SOS2: variants seen among roughly 807,000 people sequenced by gnomAD.
The protein encoded by SOS2 is SOS Ras/Rho guanine nucleotide exchange factor 2.
A neutral mutation model predicts 148.2 loss-of-function variants in SOS2; 65 were observed. The ratio of observed to expected loss-of-function variants is 0.44; its 90% CI spans 0.36 to 0.54. The LOEUF (loss-of-function observed/expected upper bound fraction) is 0.54, where lower values mean the gene tolerates loss of function less well. SOS2 is among the 20% of genes least tolerant of loss of function. SOS2 has a pLI of 0.00. For synonymous variants in SOS2, 539 were observed against 537.1 expected (o/e 1.00, Z -0.05); for missense variants, 1,341 against 1,590.2 (o/e 0.84, Z 2.67).
chr14:50,124,364 T>G (rs976548815), intron 21 of SOS2, among the ~76,000 whole-genome samples: 1 of 152,192 alleles, frequency 6.6e-6, no homozygotes, highest in Non-Finnish European at 1.5e-5. Flanking sequence ...TCTTCATGCA[T>G]GTAACTTTTT....
At chr14:50,214,520 A>C (rs1886982483) in intron 1 of SOS2, among the ~76,000 whole-genome samples, 1 of 152,112 alleles carries the variant, frequency 6.6e-6, no homozygotes. Context: ...ATTTTTAAAA[A>C]AGTAGACATT....
intron 7 of SOS2, among the ~76,000 whole-genome samples, chr14:50,180,350 G>C (rs1566840411): frequency 6.9e-6 from 1 of 145,016 alleles, no homozygotes; most frequent in Non-Finnish European, 1.5e-5. Context: ...AATTCTTCTG[G>C]TCATTCAGTA....
chr14:50,134,724 T>C (rs1323800447), intron 18 of SOS2, among the ~76,000 whole-genome samples: 1 of 152,190 alleles, frequency 6.6e-6, no homozygotes, highest in Non-Finnish European at 1.5e-5. Flanking sequence ...ATAATTACTC[T>C]GGAAATTCCT....
chr14:50,184,121 C>T (rs962897830), intron 5 of SOS2, among the ~76,000 whole-genome samples: 1 of 152,100 alleles, frequency 6.6e-6, no homozygotes, highest in African/African-American at 2.4e-5. Flanking sequence ...GGATTACTGT[C>T]ATATATATGG....
intron 5 of SOS2, among the ~76,000 whole-genome samples, chr14:50,185,857 T>G (rs1403436774): frequency 2.0e-5 from 3 of 152,166 alleles, no homozygotes; most frequent in Non-Finnish European, 4.4e-5. Context: ...TGTAATAACC[T>G]AATATCCTTA....
At chr14:50,138,352 G>T (rs1186411968) in intron 18 of SOS2, among the ~76,000 whole-genome samples, 2 of 151,720 alleles carry the variant, frequency 1.3e-5, no homozygotes, top group Non-Finnish European at 2.9e-5. Flanking sequence ...GTAGAGACGG[G>T]GTTTCGCCAT....
chr14:50,189,346 A>AAAAAAAAAAAAAAAC, intron 4 of SOS2, among the ~76,000 whole-genome samples: 2 of 147,984 alleles, frequency 1.4e-5, no homozygotes, highest in East Asian at 3.9e-4. Context: ...AAAAAAAAAA[A>AAAAAAAAAAAAAAAC]AAGCAAGCCT....
intron 8 of SOS2, among the ~76,000 whole-genome samples, chr14:50,164,502 A>ATG (rs1885112427): frequency 6.6e-6 from 1 of 151,914 alleles, no homozygotes; most frequent in South Asian, 2.1e-4. Context: ...GTGGTGGTGC[A>ATG]TGCCTGTAAT....
chr14:50,204,277 T>G lies in SOS2; in HGVS notation c.213+7A>C, dbSNP rs1886593848. 9 of 1,554,072 alleles carry G rather than the reference T, an allele frequency of 5.8e-6. No individual in the cohort carries two copies. Among genetic ancestry groups the G allele is most frequent in the Non-Finnish European group, 7.8e-6 (9 of 1,153,310 alleles). ...GTGACTTTTTGAAATGACAAAATAA[T>G]TTTTACCTCTACATCTTGAACAGTC... On this transcript the variant is annotated splice_region_variant and intron_variant, in intron 2 of 22. Coordinates refer to ENST00000216373, the MANE Select transcript of SOS2 (RefSeq NM_006939.4).
intron 1 of SOS2, among the ~76,000 whole-genome samples, chr14:50,213,672 C>G (rs1385429981): frequency 6.6e-6 from 1 of 150,574 alleles, no homozygotes; most frequent in Non-Finnish European, 1.5e-5. Flanking sequence ...CCCTGTCCCC[C>G]CCACCCCAAA....
chr14:50,130,051 A>AGGAGGG, intron 20 of SOS2, 49 bp from the exon 21 acceptor site: 1 of 1,160,532 alleles, frequency 8.6e-7, no homozygotes, highest in Non-Finnish European at 1.3e-6. Flanking sequence ...ACATGTAGGT[A>AGGAGGG]TTATTTTTTA....
At chr14:50,155,833 G>C (rs181851755) in intron 12 of SOS2, 80 of 151,804 alleles carry the variant, frequency 5.3e-4, no homozygotes, top group African/African-American at 1.9e-3. Flanking sequence ...CCTCATAAAT[G>C]TATGTGTCAT....
At chr14:50,194,715 T>C in intron 4 of SOS2, among the ~76,000 whole-genome samples, 1 of 149,514 alleles carries the variant, frequency 6.7e-6, no homozygotes, top group Admixed American at 6.7e-5. Flanking sequence ...GAGGCAGAGG[T>C]TGCAGTGAGC....
Position 50,157,095 on chromosome 14 carries a change from G to A in SOS2, c.1961C>T (p.Thr654Ile), listed in dbSNP as rs753546556. Residue 654 changes from threonine (T) to isoleucine (I), a missense_variant, in exon 12 of 23, where the codon ACT becomes ATT. This residue lies in a region of SOS2 where 408 missense variants were observed against 506.6 expected (regional missense o/e 0.81). Transcript: ENST00000216373. The part of the protein sequence containing the change: ...ERFEIPEPEP[T>I]DADKLAIEKG... ...CTCTATTGCCAATTTGTCTGCGTCA[G>A]TAGGTTCTGGCTCTGGAATTTCAAA... The A allele has an allele frequency of 1.9e-6, 3 of 1,612,122 alleles. No individual in the cohort carries two copies. The highest frequency in any genetic ancestry group is 3.3e-5 in the Admixed American group (2 of 59,960).
Position 50,130,002 on chromosome 14 carries a change from C to A in SOS2, c.3338G>T (p.Gly1113Val). Residue 1113 changes from glycine to valine, a missense_variant and splice_region_variant, in exon 21 of 23, where the codon GGC (glycine) becomes GTC (valine). Coordinates refer to ENST00000216373, the MANE Select transcript of SOS2 (RefSeq NM_006939.4). The stretch of plus-strand genomic sequence containing the variant: ...CACTGGAGCAAAGATGCTATTGCTG[C>A]CTATTGGAATAAGAAAAATTAATTT... Reference protein sequence around the residue: ...FLDVDLNSSCGSNSIFAPVLL... With the variant: ...FLDVDLNSSCVSNSIFAPVLL... The A allele has an allele frequency of 6.3e-7, 1 of 1,583,052 alleles. No individual in the cohort carries two copies. Among genetic ancestry groups the A allele is most frequent in the Non-Finnish European group, 8.6e-7 (1 of 1,157,328 alleles).
intron 1 of SOS2, among the ~76,000 whole-genome samples, chr14:50,210,258 T>G (rs1007685442): frequency 6.6e-6 from 1 of 152,196 alleles, no homozygotes; most frequent in Non-Finnish European, 1.5e-5. Flanking sequence ...AGACGCTTAT[T>G]TACACAGATG....
intron 1 of SOS2, among the ~76,000 whole-genome samples, chr14:50,220,405 CA>C (rs367829144): frequency 1.6e-3 from 48 of 30,444 alleles, no homozygotes; most frequent in South Asian, 3.7e-3. Flanking sequence ...GACTCCATCT[CA>C]AAAAAAAAAA....
intron 4 of SOS2, among the ~76,000 whole-genome samples, chr14:50,190,525 T>A (rs1886094692): frequency 6.6e-6 from 1 of 152,226 alleles, no homozygotes; most frequent in African/African-American, 2.4e-5. Flanking sequence ...AGGCTTTAGA[T>A]TACTCCACTA....
At chr14:50,223,128 GC>G (rs1887247215) in intron 1 of SOS2, among the ~76,000 whole-genome samples, 1 of 152,174 alleles carries the variant, frequency 6.6e-6, no homozygotes. Flanking sequence ...TTTAGTTTGA[GC>G]AACCGGAAGG....
Sources: gnomAD v4.1 joint callset for allele counts (sites outside exome capture counted in the v4.1 genomes callset) on GRCh38, gnomAD v4.1.1 for gene constraint, gnomAD v4.1.1 regional missense constraint, MANE v1.5 for transcripts, NCBI Gene and HGNC (gene_info 2026-07-23, HGNC 2026-07-21) for gene names.